The following ANK3 variants were observed in gnomAD, a reference collection of about 807,000 sequenced individuals.
The protein encoded by ANK3 is ankyrin-3.
A neutral mutation model predicts 370.9 loss-of-function variants in ANK3; 57 were observed. The observed-to-expected ratio is 0.15, with a 90% CI of 0.12 to 0.19. The LOEUF is 0.19. Among genes scored for constraint, ANK3 ranks in the 10% least tolerant of loss-of-function variants. The pLI is 1.00. For synonymous variants in ANK3, 1,929 were observed against 1,946.3 expected, an observed-to-expected ratio of 0.99 and a Z score of 0.23; for missense variants, 4,439 against 5,302.1, an observed-to-expected ratio of 0.84 and a Z score of 5.06.
intron 2 of ANK3, among the ~76,000 whole-genome samples, chr10:60,404,191 T>C (rs1256671761): frequency 6.8e-6 from 1 of 146,498 alleles, no homozygotes; most frequent in Non-Finnish European, 1.5e-5. Flanking sequence ...AGATTCAACA[T>C]GATCCAATCA....
chr10:60,711,639 A>G (rs2079709523), intron 1 of ANK3, among the ~76,000 whole-genome samples: 1 of 152,118 alleles, frequency 6.6e-6, no homozygotes, highest in Admixed American at 6.5e-5. Flanking sequence ...AGAAAGAGAG[A>G]AAAGAACAAA....
At chr10:60,031,672 A>C (rs2073596562) in intron 43 of ANK3, among the ~76,000 whole-genome samples, 1 of 152,190 alleles carries the variant, frequency 6.6e-6, no homozygotes, top group Non-Finnish European at 1.5e-5. Context: ...CTTGGGGCCC[A>C]GGAGTTCCAG....
Position 60,074,948 on chromosome 10 carries a change from T to C in ANK3, c.5933A>G (p.Lys1978Arg), listed in dbSNP as rs201983331. 17 of 1,614,034 alleles carry C rather than the reference T, an allele frequency of 1.1e-5. No individual in the cohort carries two copies. Among genetic ancestry groups the C allele is most frequent in the Middle Eastern group, 1.6e-4 (1 of 6,084 alleles). Residue 1978 changes from lysine (K) to arginine (R), a missense_variant, in exon 37 of 44, where the codon AAG becomes AGG. By Grantham distance (26) the Lys-to-Arg change is conservative. Transcript: ENST00000280772. ...VDNKGSPKSP[K>R]SDKGHSPEDD... is the part of the protein sequence containing the mutation. ...TTCAGGAGAGTGTCCTTTGTCACTCTTTGGTGATTTGGGTGATCCTTTATT... is the reference window on the plus strand; with the variant it reads ...TTCAGGAGAGTGTCCTTTGTCACTCCTTGGTGATTTGGGTGATCCTTTATT...
intron 2 of ANK3, among the ~76,000 whole-genome samples, chr10:60,421,692 G>A (rs968222157): frequency 6.6e-6 from 1 of 151,992 alleles, no homozygotes; most frequent in East Asian, 1.9e-4. Flanking sequence ...AAGTAGACAG[G>A]CACTCCAAGG....
rs540785587 is a variant in ANK3, at chr10:60,362,873, C to G, written c.114+26552G>C. Among the ~76,000 whole-genome samples, 4 of 152,204 alleles carry G rather than the reference C, an allele frequency of 2.6e-5. No homozygotes were observed. In the East Asian group the frequency reaches 7.7e-4, roughly 29 times the overall value. On this transcript the variant is annotated intron_variant, in intron 1 of 43. Transcript: ENST00000280772. ...CCAGGTGGATTCACAGAGAAAAACT[C>G]TGTCTGAGGAATTTGGGAAAGGCTT...
At chr10:60,146,169 G>T (rs2132232710) in intron 23 of ANK3, 1 of 1,160,640 alleles carries the variant, frequency 8.6e-7, no homozygotes, top group Non-Finnish European at 1.2e-6. Flanking sequence ...ATGTGTTTGT[G>T]TACCAGTGGA....
At chr10:60,235,994 A>G (rs1410718362) in intron 7 of ANK3, among the ~76,000 whole-genome samples, 1 of 152,208 alleles carries the variant, frequency 6.6e-6, no homozygotes, top group Non-Finnish European at 1.5e-5. Context: ...TTCAACACTT[A>G]AACTCTTGAA....
intron 42 of ANK3, among the ~76,000 whole-genome samples, chr10:60,047,075 G>A (rs1156622196): frequency 6.6e-6 from 1 of 152,106 alleles, no homozygotes; most frequent in African/African-American, 2.4e-5. Context: ...CCAAAGTGCT[G>A]GGATTACAGG....
At chr10:60,469,019 A>ATAT (rs2065084070) in intron 2 of ANK3, among the ~76,000 whole-genome samples, 1 of 61,902 alleles carries the variant, frequency 1.6e-5, no homozygotes, top group Non-Finnish European at 3.5e-5. Flanking sequence ...ATATATATAT[A>ATAT]CCACTTTTAG....
chr10:60,551,823 C>T (rs1595261928), intron 2 of ANK3, among the ~76,000 whole-genome samples: 1 of 152,212 alleles, frequency 6.6e-6, no homozygotes, highest in African/African-American at 2.4e-5. Context: ...AATACTTCTT[C>T]ATATTCAGAG....
At chr10:60,057,610 C>A (rs370503402) in intron 41 of ANK3, among the ~76,000 whole-genome samples, 1 of 152,126 alleles carries the variant, frequency 6.6e-6, no homozygotes, top group African/African-American at 2.4e-5. Context: ...CATTGCTTGC[C>A]GGCGTTCTCC....
chr10:60,446,407 T>G (rs1236114375), intron 2 of ANK3, among the ~76,000 whole-genome samples: 2 of 152,158 alleles, frequency 1.3e-5, no homozygotes, highest in Non-Finnish European at 2.9e-5. Flanking sequence ...GGGTAGTGCC[T>G]GATATTGCTA....
intron 2 of ANK3, among the ~76,000 whole-genome samples, chr10:60,476,722 C>T (rs2075075167): frequency 6.6e-6 from 1 of 152,120 alleles, no homozygotes; most frequent in Non-Finnish European, 1.5e-5. Context: ...GGATTTACAG[C>T]CAAAACTCTG....
chr10:60,072,808 G>C lies in ANK3; in HGVS notation c.8073C>G (p.Ala2691=), dbSNP rs2082994767. Residue 2691 remains alanine (A), a synonymous_variant, in exon 37 of 44, where the codon GCC becomes GCG. Coordinates refer to ENST00000280772, the MANE Select transcript of ANK3 (RefSeq NM_020987.5). Reference sequence around the variant, plus strand: ...CTTTGCTCTGTGAAATACTTCCTTTGGCTTCCACTGTGGACTTGCTGTCCT... The same window carrying C: ...CTTTGCTCTGTGAAATACTTCCTTTCGCTTCCACTGTGGACTTGCTGTCCT... ...QTEDSKSTVE[A]KGSISQSKAP... The C allele has an allele frequency of 2.5e-6, 4 of 1,614,046 alleles. No homozygotes were observed. Among genetic ancestry groups the C allele is most frequent in the Non-Finnish European group, 3.4e-6 (4 of 1,179,996 alleles).
rs551507299 is a variant in ANK3 at position 60,468,377 on chromosome 10, A to T, written c.96+146809T>A. 1.6e-3 allele frequency among the ~76,000 whole-genome samples: 243 copies of T among 152,290 alleles called. 1 individual carries two copies. The Middle Eastern group carries it at 0.017, about 11-fold the overall frequency. ...TGAAGAAATTATGAATTAAGTAAAA[A>T]TGTGGAGAAGCTCTCATTTGTGAAT... On this transcript the variant is annotated intron_variant, in intron 2 of 43. Coordinates refer to the ANK3 transcript ENST00000373827.
chr10:60,341,363 G>A (rs975982487), intron 1 of ANK3, among the ~76,000 whole-genome samples: 2 of 151,926 alleles, frequency 1.3e-5, no homozygotes, highest in Non-Finnish European at 2.9e-5. Flanking sequence ...TATCATTATT[G>A]TTATTTGCAT....
intron 1 of ANK3, among the ~76,000 whole-genome samples, chr10:60,647,955 C>A (rs1488392740): frequency 6.7e-6 from 1 of 149,576 alleles, no homozygotes; most frequent in Non-Finnish European, 1.5e-5. Flanking sequence ...TCAAGTGATT[C>A]CCCTGCCTCA....
chr10:60,461,423 A>T (rs778712184), intron 2 of ANK3, among the ~76,000 whole-genome samples: 58 of 152,306 alleles, frequency 3.8e-4, no homozygotes, highest in Middle Eastern at 6.8e-3. Flanking sequence ...TTTTCAGTGC[A>T]TACATTTGTT....
intron 2 of ANK3, among the ~76,000 whole-genome samples, chr10:60,570,941 C>T (rs1016771349): frequency 7.9e-5 from 12 of 152,078 alleles, no homozygotes; most frequent in South Asian, 2.1e-4. Context: ...TGGATTGCAC[C>T]GTCGTGGTTC....
Sources: allele counts gnomAD v4.1 joint callset (sites outside exome capture counted in the v4.1 genomes callset), GRCh38; gene constraint gnomAD v4.1.1; transcripts MANE v1.5; gene names NCBI Gene and HGNC (gene_info 2026-07-23, HGNC 2026-07-21).